RASSF4: variants seen among roughly 807,000 people sequenced by gnomAD.
The protein encoded by RASSF4 is ras association domain-containing protein 4.
In RASSF4, 38 loss-of-function variants were observed where a neutral mutation model predicts 41.1. The observed-to-expected ratio is 0.92, with a 90% CI of 0.71 to 1.21. The LOEUF (loss-of-function observed/expected upper bound fraction) is 1.21. Among genes scored for constraint, RASSF4 ranks in the 50% most tolerant of loss-of-function variants. RASSF4 has a pLI of 0.00. For missense variants in RASSF4, 414 were observed against 419.4 expected (o/e 0.99, Z 0.11); for synonymous variants, 179 against 163.4 (o/e 1.10, Z -0.73).
intron 3 of RASSF4, among the ~76,000 whole-genome samples, chr10:44,972,657 T>C (rs1186458332): frequency 6.6e-6 from 1 of 152,240 alleles, no homozygotes; most frequent in Non-Finnish European, 1.5e-5. Flanking sequence ...CATCCTCTGA[T>C]GTTTCATGCG....
intron 3 of RASSF4, 39 bp downstream of exon 3, chr10:44,971,887 C>G (rs764910433): frequency 2.1e-6 from 3 of 1,414,476 alleles, no homozygotes; most frequent in Non-Finnish European, 3.0e-6. Flanking sequence ...CACCATGTAC[C>G]CTGGGAGGCC....
At chr10:44,979,077 C>T (rs1321496509) in intron 3 of RASSF4, among the ~76,000 whole-genome samples, 1 of 152,108 alleles carries the variant, frequency 6.6e-6, no homozygotes, top group Admixed American at 6.6e-5. Flanking sequence ...TCACAGGTAG[C>T]CCCAGGGCCA....
rs35217294 is a variant in RASSF4, at chr10:44,970,225, G to A, written c.23G>A (p.Ser8Asn). Residue 8 changes from serine to asparagine, a missense_variant, in exon 2 of 11, where the codon AGT (serine) becomes AAT (asparagine). Physicochemically the swap from Ser to Asn is conservative, Grantham distance 46 (BLOSUM62 1). Coordinates refer to ENST00000340258, the MANE Select transcript of RASSF4 (RefSeq NM_032023.4). ...AAGATGAAGGAAGACTGTCTGCCGA[G>A]TTCTCACGTGCCCATCAGTGACAGC... Reference protein sequence around the residue: MKEDCLPSSHVPISDSKS... With the variant: MKEDCLPNSHVPISDSKS... 259 of 1,614,084 alleles carry A rather than the reference G, an allele frequency of 1.6e-4. No individual in the cohort carries two copies. The African/African-American group carries it at 3.2e-3, about 20-fold the overall frequency.
chr10:44,988,638 T>C (rs1842000805), intron 6 of RASSF4, among the ~76,000 whole-genome samples: 1 of 152,240 alleles, frequency 6.6e-6, no homozygotes, highest in Admixed American at 6.5e-5. Context: ...CACATTGAAC[T>C]GCACAGATCG....
chr10:44,965,946 A>G (rs961791269), intron 1 of RASSF4, among the ~76,000 whole-genome samples: 5 of 152,168 alleles, frequency 3.3e-5, no homozygotes, highest in Non-Finnish European at 5.9e-5. Flanking sequence ...CGTGCAGGGG[A>G]AAAGCACTCC....
chr10:44,960,216 A>C (rs1840654984), intron 1 of RASSF4, among the ~76,000 whole-genome samples: 1 of 152,198 alleles, frequency 6.6e-6, no homozygotes, highest in Non-Finnish European at 1.5e-5. Context: ...CACAACTCTG[A>C]TTTCACTGAT....
intron 3 of RASSF4, among the ~76,000 whole-genome samples, chr10:44,975,043 G>A (rs568532328): frequency 6.6e-6 from 1 of 152,278 alleles, no homozygotes; most frequent in African/African-American, 2.4e-5. Flanking sequence ...GTGAGCCCCA[G>A]GCGGCAGGAC....
intron 1 of RASSF4, among the ~76,000 whole-genome samples, chr10:44,969,072 ATG>A (rs1002326306): frequency 2.1e-5 from 3 of 144,044 alleles, no homozygotes; most frequent in South Asian, 2.2e-4. Context: ...GTGTGAATGT[ATG>A]TGTGTGTGCA....
Position 44,993,578 on chromosome 10 carries a change from A to C in RASSF4, c.*249A>C. 1 of 540,726 alleles carries C rather than the reference A, an allele frequency of 1.8e-6. No homozygotes were observed. Among genetic ancestry groups the C allele is most frequent in the Non-Finnish European group, 3.4e-6 (1 of 298,242 alleles). The allele number at this position is 540,726 out of a possible 1,614,324, so 33.5% of individuals were successfully genotyped here. A position where few individuals can be genotyped will look rare whatever the true frequency, so the allele number is the denominator to read the frequency against. ...CTTGCTGGGTCAGATCTGTGTGGCC[A>C]GCCCTGTCCACACCATGCCTCTCCT... On this transcript the variant is annotated 3_prime_UTR_variant, in exon 11 of 11. Coordinates refer to ENST00000340258, the MANE Select transcript of RASSF4 (RefSeq NM_032023.4).
intron 1 of RASSF4, among the ~76,000 whole-genome samples, chr10:44,969,882 A>AG (rs1203152062): frequency 6.6e-6 from 1 of 152,242 alleles, no homozygotes; most frequent in Admixed American, 6.5e-5. Flanking sequence ...TAAAATGCTT[A>AG]GGAGATGGAT....
At chr10:44,968,789 G>A (rs1160228854) in intron 1 of RASSF4, among the ~76,000 whole-genome samples, 1 of 152,218 alleles carries the variant, frequency 6.6e-6, no homozygotes, top group Admixed American at 6.5e-5. Flanking sequence ...AAGACATGAT[G>A]GGTTTGTGTG....
At chr10:44,960,192 C>CT (rs940272878) in intron 1 of RASSF4, among the ~76,000 whole-genome samples, 1 of 152,198 alleles carries the variant, frequency 6.6e-6, no homozygotes, top group Non-Finnish European at 1.5e-5. Context: ...GGGAGAGAGC[C>CT]TAGAGGCCTC....
At chr10:44,964,059 A>T (rs997625151) in intron 1 of RASSF4, among the ~76,000 whole-genome samples, 1 of 152,244 alleles carries the variant, frequency 6.6e-6, no homozygotes, top group Non-Finnish European at 1.5e-5. Context: ...TTCTTCTGTA[A>T]TAACTTTCCC....
intron 1 of RASSF4, among the ~76,000 whole-genome samples, chr10:44,963,130 C>T (rs998585323): frequency 5.3e-5 from 8 of 152,098 alleles, no homozygotes; most frequent in African/African-American, 1.9e-4. Context: ...CTCCTGGACT[C>T]CCCTGGTCTC....
chr10:44,971,641 T>C (rs1162083679), intron 2 of RASSF4, 132 bp from the exon 3 acceptor site: 2 of 785,842 alleles, frequency 2.5e-6, no homozygotes, highest in Non-Finnish European at 2.3e-6. Flanking sequence ...CTCCTCTGGT[T>C]ATGCCTGGCC....
intron 6 of RASSF4, among the ~76,000 whole-genome samples, chr10:44,987,229 G>A (rs1439379798): frequency 1.3e-5 from 2 of 152,142 alleles, no homozygotes; most frequent in African/African-American, 4.8e-5. Flanking sequence ...TTCCTGAGTA[G>A]CTGGGACTAC....
chr10:44,979,538 T>C (rs760827644), intron 3 of RASSF4, among the ~76,000 whole-genome samples: 5 of 152,124 alleles, frequency 3.3e-5, no homozygotes, highest in Non-Finnish European at 5.9e-5. Context: ...AGTGGCATGC[T>C]GTGGTGGGCT....
chr10:44,963,628 C>T (rs938397269), intron 1 of RASSF4, among the ~76,000 whole-genome samples: 1 of 152,230 alleles, frequency 6.6e-6, no homozygotes, highest in African/African-American at 2.4e-5. Context: ...GCAGCTCAGG[C>T]TCCCAGCTGT....
In RASSF4 at chr10:44,970,194, G is replaced by C; in HGVS notation, c.-9G>C. The C allele has an allele frequency of 6.2e-7, 1 of 1,612,900 alleles. No homozygotes were observed. The highest frequency in any genetic ancestry group is 8.5e-7 in the Non-Finnish European group (1 of 1,178,846). On this transcript the variant is annotated 5_prime_UTR_variant, in exon 2 of 11. Coordinates refer to ENST00000340258, the MANE Select transcript of RASSF4 (RefSeq NM_032023.4). ...TAACTTCTAGGTCTGCAGACAAGAG[G>C]AAGAGAAGATGAAGGAAGACTGTCT...
Sources: allele counts gnomAD v4.1 joint callset (sites outside exome capture counted in the v4.1 genomes callset), GRCh38; gene constraint gnomAD v4.1.1; transcripts MANE v1.5; gene names NCBI Gene and HGNC (gene_info 2026-07-23, HGNC 2026-07-21).